KIAA1671: variants seen among roughly 807,000 people sequenced by gnomAD.
The protein encoded by KIAA1671 is uncharacterized protein KIAA1671.
KIAA1671 carries 52 observed loss-of-function variants against 131.2 expected under a neutral mutation model. That is an observed-to-expected ratio of 0.40 (90% confidence interval 0.32 to 0.50). The LOEUF is 0.50. Ranked by LOEUF, KIAA1671 falls within the 20% of genes least tolerant of loss-of-function variation. KIAA1671 has a pLI of 0.73. For synonymous variants in KIAA1671, 1,003 were observed against 961.6 expected, an observed-to-expected ratio of 1.04 and a Z score of -0.80; for missense variants, 2,360 against 2,364.2, an observed-to-expected ratio of 1.00 and a Z score of 0.04.
chr22:25,185,767 A>G (rs1934457599), intron 11 of KIAA1671: 1 of 152,068 alleles, frequency 6.6e-6, no homozygotes, highest in African/African-American at 2.4e-5. Flanking sequence ...AAGGTACTTG[A>G]CCTCCTGAAC....
chr22:25,015,227 TAAAAAAAAA>T (rs3063199), intron 1 of KIAA1671, among the ~76,000 whole-genome samples: 1 of 115,836 alleles, frequency 8.6e-6, no homozygotes, highest in African/African-American at 3.4e-5. Flanking sequence ...CCTTGTCCCT[TAAAAAAAAA>T]AAAAAAAAAA....
At chr22:25,016,626 A>C (rs1925340139) in intron 1 of KIAA1671, among the ~76,000 whole-genome samples, 1 of 152,204 alleles carries the variant, frequency 6.6e-6, no homozygotes, top group Non-Finnish European at 1.5e-5. Context: ...CCATTTTTAC[A>C]AAATATCCAG....
chr22:25,053,751 A>T (rs1175701550), intron 6 of KIAA1671: 1 of 152,304 alleles, frequency 6.6e-6, no homozygotes, highest in Non-Finnish European at 1.5e-5. Flanking sequence ...ACACAGACAA[A>T]GGGGGGTGCT....
chr22:24,977,199 C>A (rs1010250407), intron 1 of KIAA1671, among the ~76,000 whole-genome samples: 11 of 152,170 alleles, frequency 7.2e-5, no homozygotes, highest in Admixed American at 1.3e-4. Flanking sequence ...TCAAACATAT[C>A]CCTGTGTGTT....
Position 25,137,351 on chromosome 22 carries a change from G to T in KIAA1671, c.4531-33469G>T, listed in dbSNP as rs141855637. On this transcript the variant is annotated intron_variant, in intron 6 of 12. Coordinates refer to ENST00000358431, the MANE Select transcript of KIAA1671 (RefSeq NM_001145206.2). ...TAGCAGTCACCAAATCCCACAGCCCGAATTCTCTTCCTATGTTACCAGGCC... is the reference window on the plus strand; with the variant it reads ...TAGCAGTCACCAAATCCCACAGCCCTAATTCTCTTCCTATGTTACCAGGCC... Among the ~76,000 whole-genome samples the T allele has an allele frequency of 2.1e-3, 323 of 152,208 alleles. 1 individual carries two copies. The highest frequency in any genetic ancestry group is 7.1e-3 in the African/African-American group (295 of 41,526).
intron 6 of KIAA1671, among the ~76,000 whole-genome samples, chr22:25,155,637 G>A (rs1053834410): frequency 4.6e-5 from 7 of 151,936 alleles, no homozygotes; most frequent in African/African-American, 1.7e-4. Flanking sequence ...TGTTTTTTGT[G>A]TATATGCATT....
chr22:25,128,535 A>G (rs532277205), intron 6 of KIAA1671, among the ~76,000 whole-genome samples: 2 of 152,110 alleles, frequency 1.3e-5, no homozygotes, highest in African/African-American at 2.4e-5. Context: ...TCTGAGGACT[A>G]CAGAAGACTG....
At chr22:25,122,236 C>T (rs1191815209) in intron 6 of KIAA1671, among the ~76,000 whole-genome samples, 2 of 152,146 alleles carry the variant, frequency 1.3e-5, no homozygotes, top group East Asian at 3.8e-4. Flanking sequence ...AGAACCAGGG[C>T]AGAAGCAGCT....
Position 25,174,095 on chromosome 22 carries a change from G to T in KIAA1671, c.4650-145G>T, listed in dbSNP as rs954182241. The stretch of plus-strand genomic sequence containing the variant: ...ACATCTTGTGCTGTTTCCAAAGAGG[G>T]TCTTCTGCTGGGATGTTCTGTCTGT... On this transcript the variant is annotated intron_variant, in intron 7 of 12. Coordinates refer to ENST00000358431, the MANE Select transcript of KIAA1671 (RefSeq NM_001145206.2). The T allele has an allele frequency of 1.1e-5, 10 of 891,446 alleles. No homozygotes were observed. In the African/African-American group the frequency reaches 1.7e-4, roughly 15 times the overall value. The allele number at this position is 891,446 out of a possible 1,614,324, so 55.2% of individuals were successfully genotyped here. A position where few individuals can be genotyped will look rare whatever the true frequency, so the allele number is the denominator to read the frequency against.
intron 6 of KIAA1671, among the ~76,000 whole-genome samples, chr22:25,101,934 G>C (rs1444048969): frequency 2.6e-5 from 4 of 152,176 alleles, no homozygotes; most frequent in Non-Finnish European, 4.4e-5. Context: ...GGCAGAGTGG[G>C]ACCCCAGAGG....
chr22:25,175,308 C>T (rs934618805), intron 8 of KIAA1671: 2 of 152,366 alleles, frequency 1.3e-5, no homozygotes, highest in Non-Finnish European at 2.9e-5. Flanking sequence ...GACCCTCTCT[C>T]CTGGCAGTAA....
chr22:25,075,095 T>G (rs1204363158), intron 6 of KIAA1671, among the ~76,000 whole-genome samples: 1 of 152,198 alleles, frequency 6.6e-6, no homozygotes, highest in Non-Finnish European at 1.5e-5. Context: ...TTAACATTGG[T>G]GCATTACTGT....
At position 25,039,271 on chromosome 22, in the gene KIAA1671, A is replaced by C; in HGVS notation, c.2141A>C (p.Asn714Thr). ...KYPLSENHNN[N>T]TFLKHLENPP... ...CCTTTGTCTGAAAACCACAATAATA[A>C]CACCTTCCTCAAACACTTGGAAAAT... The change falls in exon 5 of 13, where the codon AAC becomes ACC. Residue 714 changes from asparagine to threonine, a missense_variant. This residue lies in a region of KIAA1671 where 1,185 missense variants were observed against 1,126.2 expected (regional missense o/e 1.05). Coordinates refer to ENST00000358431, the MANE Select transcript of KIAA1671 (RefSeq NM_001145206.2). The C allele has an allele frequency of 6.4e-7, 1 of 1,552,256 alleles. No homozygotes were observed. The highest frequency in any genetic ancestry group is 8.7e-7 in the Non-Finnish European group (1 of 1,147,108).
chr22:25,069,542 G>T (rs930223029), intron 6 of KIAA1671, among the ~76,000 whole-genome samples: 4 of 152,122 alleles, frequency 2.6e-5, no homozygotes, highest in Non-Finnish European at 1.5e-5. Flanking sequence ...ACGGGCCCAG[G>T]AATCATGGCT....
At chr22:25,115,724 A>G (rs567839210) in intron 6 of KIAA1671, among the ~76,000 whole-genome samples, 1 of 152,316 alleles carries the variant, frequency 6.6e-6, no homozygotes, top group African/African-American at 2.4e-5. Flanking sequence ...TCAGGTGCAT[A>G]TAACTTGCAT....
intron 1 of KIAA1671, among the ~76,000 whole-genome samples, chr22:24,977,456 G>A (rs1349388245): frequency 6.6e-6 from 1 of 152,192 alleles, no homozygotes; most frequent in Non-Finnish European, 1.5e-5. Flanking sequence ...CCCCACAGCT[G>A]CCTCCTGGTA....
At chr22:25,173,327 A>G (rs1018640407) in intron 7 of KIAA1671, among the ~76,000 whole-genome samples, 4 of 152,212 alleles carry the variant, frequency 2.6e-5, no homozygotes, top group African/African-American at 9.7e-5. Flanking sequence ...TGGCAGTTAT[A>G]GGCTAATCCT....
intron 1 of KIAA1671, among the ~76,000 whole-genome samples, chr22:24,979,177 T>TA (rs1923083486): frequency 1.4e-5 from 2 of 140,006 alleles, no homozygotes; most frequent in East Asian, 4.2e-4. Flanking sequence ...TGTATTTTTT[T>TA]TTTTTTTTTT....
At chr22:24,963,091 G>T (rs1246179551) in intron 1 of KIAA1671, among the ~76,000 whole-genome samples, 1 of 151,972 alleles carries the variant, frequency 6.6e-6, no homozygotes, top group Non-Finnish European at 1.5e-5. Flanking sequence ...CCTTCAGTTG[G>T]GCATCTCTCC....
Sources: allele counts gnomAD v4.1 joint callset (sites outside exome capture counted in the v4.1 genomes callset), GRCh38; gene constraint gnomAD v4.1.1; regional missense constraint gnomAD v4.1.1; transcripts MANE v1.5; gene names NCBI Gene and HGNC (gene_info 2026-07-23, HGNC 2026-07-21).